BCAS3: variants seen among roughly 807,000 people sequenced by gnomAD.
The protein encoded by BCAS3 is BCAS3 microtubule associated cell migration factor.
Under a neutral mutation model 116.1 loss-of-function variants are expected in BCAS3, and 53 were observed. The observed-to-expected ratio is 0.46, with a 90% CI of 0.37 to 0.57. BCAS3 has a LOEUF of 0.57. Ranked by LOEUF, BCAS3 falls within the 20% of genes least tolerant of loss-of-function variation. The pLI is 0.00. For missense variants in BCAS3, 917 were observed against 1,165.4 expected, an observed-to-expected ratio of 0.79 and a Z score of 3.10; for synonymous variants, 391 against 408.2, an observed-to-expected ratio of 0.96 and a Z score of 0.51.
rs1395815967 is a variant in BCAS3 at position 61,023,769 on chromosome 17, A to G, written c.1637+7868A>G. On this transcript the variant is annotated intron_variant, in intron 16 of 23. Coordinates refer to ENST00000407086, the MANE Select transcript of BCAS3 (RefSeq NM_017679.5). This position sits in a 1 kb window ranked among gnomAD's most constrained non-coding sequence, Gnocchi z 4.8. Reference sequence around the variant, plus strand: ...TGGCCAGGTCATTTCACGGTGGCCTATATATAAGTCTGTAATATTTCTGGA... The same window carrying G: ...TGGCCAGGTCATTTCACGGTGGCCTGTATATAAGTCTGTAATATTTCTGGA... 1.3e-5 allele frequency among the ~76,000 whole-genome samples: 2 copies of G among 152,130 alleles called. No individual in the cohort carries two copies. The highest frequency in any genetic ancestry group is 1.3e-4 in the Admixed American group (2 of 15,268).
intron 6 of BCAS3, among the ~76,000 whole-genome samples, chr17:60,753,310 T>G (rs1392463130): frequency 1.3e-5 from 2 of 151,894 alleles, no homozygotes; most frequent in Non-Finnish European, 2.9e-5. Context: ...TGTATTTTAT[T>G]ATGCCTAACT....
At chr17:60,692,528 T>C (rs1338135832) in intron 4 of BCAS3, among the ~76,000 whole-genome samples, 4 of 152,030 alleles carry the variant, frequency 2.6e-5, no homozygotes, top group Admixed American at 2.6e-4. Context: ...AGGCGTGAGC[T>C]ACCATGCCTG....
chr17:60,973,580 A>AT (rs2062096626), intron 14 of BCAS3, among the ~76,000 whole-genome samples: 1 of 134,400 alleles, frequency 7.4e-6, no homozygotes, highest in African/African-American at 3.6e-5. Flanking sequence ...CTATTACCTT[A>AT]TTATTAATAT....
intron 22 of BCAS3, among the ~76,000 whole-genome samples, chr17:61,216,608 A>G (rs1760009693): frequency 1.3e-5 from 2 of 151,486 alleles, no homozygotes; most frequent in Admixed American, 6.6e-5. Context: ...TGCAATGGCA[A>G]TCTCGGCTCA....
chr17:61,287,577 T>C (rs1283549230), intron 22 of BCAS3, among the ~76,000 whole-genome samples: 1 of 151,868 alleles, frequency 6.6e-6, no homozygotes, highest in Non-Finnish European at 1.5e-5. Flanking sequence ...AATCAAAAAA[T>C]TAGCCAGGCA....
At chr17:60,855,923 C>G (rs2144829217) in intron 7 of BCAS3, among the ~76,000 whole-genome samples, 2 of 152,232 alleles carry the variant, frequency 1.3e-5, no homozygotes, top group Non-Finnish European at 2.9e-5. Context: ...CTCAAGTGAT[C>G]CCGCCTGCCT....
rs199604062 is a variant in BCAS3, at chr17:61,287,243, T to TA, written c.2426-81070dup. On this transcript the variant is annotated intron_variant, in intron 22 of 23. Coordinates refer to ENST00000407086, the MANE Select transcript of BCAS3 (RefSeq NM_017679.5). The stretch of plus-strand genomic sequence containing the variant: ...AGCCTGGGCAACAGAGCCAGACTCT[T>TA]AAAAAAAAAAAAAACTCTATGGAGT... Among the ~76,000 whole-genome samples, 512 of 135,858 alleles carry TA rather than the reference T, an allele frequency of 3.8e-3. 1 individual carries two copies. Among genetic ancestry groups the TA allele is most frequent in the Middle Eastern group, 0.011 (3 of 268 alleles). The allele number at this position is 135,858 out of a possible 152,430, so 89.1% of individuals were successfully genotyped here.
In BCAS3 at chr17:61,235,600, C is replaced by T. The variant is rs1415992434; in HGVS notation, c.2426-132727C>T. Among the ~76,000 whole-genome samples the T allele has an allele frequency of 1.3e-5, 2 of 151,946 alleles. No homozygotes were observed. The highest frequency in any genetic ancestry group is 6.6e-5 in the Admixed American group (1 of 15,242). ...TAGTGGATGCTGAGCTGGAGACCCC[C>T]GTTAGTGCTACCTCTTTCTAAACAG... On this transcript the variant is annotated intron_variant, in intron 22 of 23. Coordinates refer to ENST00000407086, the MANE Select transcript of BCAS3 (RefSeq NM_017679.5). The surrounding 1 kb of genome is among the most constrained non-coding windows in gnomAD (Gnocchi z 5.0).
rs1233130821 is a variant in BCAS3, at chr17:61,215,036, A to G, written c.2425+130472A>G. 6.6e-6 allele frequency among the ~76,000 whole-genome samples: 1 copy of G among 152,222 alleles called. No homozygotes were observed. Among genetic ancestry groups the G allele is most frequent in the Non-Finnish European group, 1.5e-5 (1 of 68,050 alleles). On this transcript the variant is annotated intron_variant, in intron 22 of 23. Coordinates refer to ENST00000407086, the MANE Select transcript of BCAS3 (RefSeq NM_017679.5). This position sits in a 1 kb window ranked among gnomAD's most constrained non-coding sequence, Gnocchi z 4.8. ...CAGGATCTCTTTTGATCACTGGAGC[A>G]GATAAGCAGGAAATATAACTAACCA...
intron 22 of BCAS3, among the ~76,000 whole-genome samples, chr17:61,319,370 C>T (rs2055005715): frequency 1.3e-5 from 2 of 152,146 alleles, no homozygotes; most frequent in African/African-American, 4.8e-5. Context: ...CCTTAGAACT[C>T]GGATGTACAA....
intron 9 of BCAS3, among the ~76,000 whole-genome samples, chr17:60,888,409 T>G (rs1279136553): frequency 6.6e-6 from 1 of 152,204 alleles, no homozygotes; most frequent in African/African-American, 2.4e-5. Context: ...TCATGACGAA[T>G]TTTAAAAGGG....
chr17:60,804,358 G>A (rs1293557456), intron 6 of BCAS3, among the ~76,000 whole-genome samples: 1 of 151,738 alleles, frequency 6.6e-6, no homozygotes, highest in African/African-American at 2.4e-5. Flanking sequence ...GCAGGTGCCT[G>A]TAATCCCACC....
chr17:61,163,103 C>CG (rs1234721259), intron 22 of BCAS3, among the ~76,000 whole-genome samples: 1 of 152,078 alleles, frequency 6.6e-6, no homozygotes, highest in African/African-American at 2.4e-5. Context: ...TAAAACCCTG[C>CG]GGCACACACG....
At position 61,313,044 on chromosome 17, in the gene BCAS3, G is replaced by A. The variant is rs757196790; in HGVS notation, c.2426-55283G>A. ...TTAGACACTTCCCATCTTTCACCTCGTTGATCGCCTCAAAATCCCGTGAGG... is the reference window on the plus strand; with the variant it reads ...TTAGACACTTCCCATCTTTCACCTCATTGATCGCCTCAAAATCCCGTGAGG... On this transcript the variant is annotated intron_variant, in intron 22 of 23. Transcript: ENST00000407086. The surrounding 1 kb of genome is among the most constrained non-coding windows in gnomAD (Gnocchi z 4.3). Among the ~76,000 whole-genome samples the A allele has an allele frequency of 2.0e-5, 3 of 152,168 alleles. No individual in the cohort carries two copies. The highest frequency in any genetic ancestry group is 4.4e-5 in the Non-Finnish European group (3 of 68,020).
At position 61,261,344 on chromosome 17, in the gene BCAS3, T is replaced by C. The variant is rs957638424; in HGVS notation, c.2426-106983T>C. On this transcript the variant is annotated intron_variant, in intron 22 of 23. Coordinates refer to ENST00000407086, the MANE Select transcript of BCAS3 (RefSeq NM_017679.5). This position sits in a 1 kb window ranked among gnomAD's most constrained non-coding sequence, Gnocchi z 4.4. The stretch of plus-strand genomic sequence containing the variant: ...GACAGTTAAGTAAAAAGAGTTCTGC[T>C]TATTCTCTGCTGCAGGATGCTACCC... 6.6e-6 allele frequency among the ~76,000 whole-genome samples: 1 copy of C among 152,218 alleles called. No homozygotes were observed. Among genetic ancestry groups the C allele is most frequent in the Non-Finnish European group, 1.5e-5 (1 of 68,042 alleles).
rs185398812 is a variant in BCAS3 at position 60,910,181 on chromosome 17, T to C, written c.823-351T>C. Among the ~76,000 whole-genome samples, 474 of 152,324 alleles carry C rather than the reference T, an allele frequency of 3.1e-3. 2 individuals are homozygous for C. Among genetic ancestry groups the C allele is most frequent in the African/African-American group, 5.9e-3 (245 of 41,586 alleles). On this transcript the variant is annotated intron_variant, in intron 11 of 23. Coordinates refer to ENST00000407086, the MANE Select transcript of BCAS3 (RefSeq NM_017679.5). ...ATAGTTTCTACTTCTTCCTATGTCA[T>C]TGATTTTAAGATGTATACATTAAGA...
chr17:60,826,495 A>G (rs765360357), intron 7 of BCAS3, among the ~76,000 whole-genome samples: 5 of 152,206 alleles, frequency 3.3e-5, no homozygotes, highest in African/African-American at 7.2e-5. Context: ...AAAATTTAGC[A>G]TATGAATTTT....
At position 61,087,728 on chromosome 17, in the gene BCAS3, C is replaced by T. The variant is rs2143561691; in HGVS notation, c.2425+3164C>T. ...ATTATTAACTTCAGTGATTTAAGCACCGGGTAAATTCTATGCCTTTAGACA... is the reference window on the plus strand; with the variant it reads ...ATTATTAACTTCAGTGATTTAAGCATCGGGTAAATTCTATGCCTTTAGACA... On this transcript the variant is annotated intron_variant, in intron 22 of 23. Coordinates refer to ENST00000407086, the MANE Select transcript of BCAS3 (RefSeq NM_017679.5). The surrounding 1 kb of genome is among the most constrained non-coding windows in gnomAD (Gnocchi z 4.6). Among the ~76,000 whole-genome samples, 1 of 152,250 alleles carries T rather than the reference C, an allele frequency of 6.6e-6. No homozygotes were observed. Among genetic ancestry groups the T allele is most frequent in the East Asian group, 1.9e-4 (1 of 5,186 alleles).
At chr17:60,717,686 G>A (rs924978282) in intron 5 of BCAS3, among the ~76,000 whole-genome samples, 3 of 152,084 alleles carry the variant, frequency 2.0e-5, no homozygotes, top group African/African-American at 4.8e-5. Context: ...GGACTTTTAC[G>A]GTGAAATTAC....
Sources: gnomAD v4.1 joint callset for allele counts (sites outside exome capture counted in the v4.1 genomes callset) on GRCh38, gnomAD v4.1.1 for gene constraint, Gnocchi (gnomAD v3.1) non-coding constraint, MANE v1.5 for transcripts, NCBI Gene and HGNC (gene_info 2026-07-23, HGNC 2026-07-21) for gene names.